Variants in STEAP1 observed in about 807,000 individuals in gnomAD.
STEAP1 encodes the protein STEAP family member 1.
Under a neutral mutation model 34.4 loss-of-function variants are expected in STEAP1, and 30 were observed. The ratio of observed to expected loss-of-function variants is 0.87; its 90% confidence interval spans 0.65 to 1.18. The LOEUF (loss-of-function observed/expected upper bound fraction) is 1.18, where lower values mean the gene tolerates loss of function less well. Among genes scored for constraint, STEAP1 ranks in the 50% most tolerant of loss-of-function variants. The pLI is 0.00. For missense variants in STEAP1, 318 were observed against 391.1 expected (o/e 0.81, Z 1.58); for synonymous variants, 116 against 135.3 (o/e 0.86, Z 0.99).
rs758441219 is a variant in STEAP1 at position 90,161,098 on chromosome 7, G to A, written c.378G>A (p.Leu126=). 2.3e-5 allele frequency: 37 copies of A among 1,613,796 alleles called. No homozygotes were observed. The South Asian group carries it at 4.0e-4, about 17-fold the overall frequency. ...TGCCAATGGTTTCCATCACTCTCTT[G>A]GCATTGGTTTACCTGCCAGGTGTGA... The part of the protein sequence containing the change: ...KVLPMVSITL[L]ALVYLPGVIA... The change falls in exon 3 of 5, where the codon TTG becomes TTA. Residue 126 remains leucine, a synonymous_variant. Transcript: ENST00000297205.
chr7:90,155,260 A>G (rs74912854), intron 1 of STEAP1, among the ~76,000 whole-genome samples: 23 of 24,760 alleles, frequency 9.3e-4, no homozygotes, highest in Admixed American at 2.7e-3. Context: ...CAGCCCAGTG[A>G]AAAAAAAAAA....
Position 90,161,009 on chromosome 7 carries a change from C to T in STEAP1, c.289C>T (p.Pro97Ser), listed in dbSNP as rs754964368. The T allele has an allele frequency of 6.2e-7, 1 of 1,613,818 alleles. No individual in the cohort carries two copies. Among genetic ancestry groups the T allele is most frequent in the African/African-American group, 1.3e-5 (1 of 74,896 alleles). The change falls in exon 3 of 5, where the codon CCT (proline) becomes TCT (serine). Residue 97 changes from proline (P) to serine (S), a missense_variant. Pro to Ser is a moderately conservative substitution (Grantham distance 74). Transcript: ENST00000297205. ...LYTLLREVIH[P>S]LATSHQQYFY... ...CACTCTTCTGAGGGAAGTAATTCAC[C>T]CTTTAGCAACTTCCCATCAACAATA...
At chr7:90,163,300 C>T (rs1362928592) in intron 4 of STEAP1, among the ~76,000 whole-genome samples, 2 of 152,108 alleles carry the variant, frequency 1.3e-5, no homozygotes, top group Non-Finnish European at 2.9e-5. Flanking sequence ...TTCTTTGGTC[C>T]TCATTAAATA....
At chr7:90,155,280 C>T (rs948277806) in intron 1 of STEAP1, among the ~76,000 whole-genome samples, 8 of 151,822 alleles carry the variant, frequency 5.3e-5, no homozygotes, top group African/African-American at 1.9e-4. Flanking sequence ...ACAAAAAACT[C>T]GACTTCACTT....
chr7:90,162,007 G>T lies in STEAP1; in HGVS notation c.691G>T (p.Ala231Ser), dbSNP rs1175312589. The T allele has an allele frequency of 2.5e-6, 4 of 1,613,858 alleles. No individual in the cohort carries two copies. Among genetic ancestry groups the T allele is most frequent in the Admixed American group, 3.3e-5 (2 of 60,004 alleles). ...SLGIVGLAIL[A>S]LLAVTSIPSV... ...GGGAATTGTGGGATTGGCAATACTG[G>T]CTCTGTTGGCTGTGACATCTATTCC... The change falls in exon 4 of 5, where the codon GCT (alanine) becomes TCT (serine). Residue 231 changes from alanine (A) to serine (S), a missense_variant. Coordinates refer to ENST00000297205, the MANE Select transcript of STEAP1 (RefSeq NM_012449.3).
chr7:90,155,259 GAAA>G (rs35647503), intron 1 of STEAP1, among the ~76,000 whole-genome samples: 1 of 147,680 alleles, frequency 6.8e-6, no homozygotes, highest in Admixed American at 6.7e-5. Flanking sequence ...ACAGCCCAGT[GAAA>G]AAAAAAAACA....
chr7:90,162,258 G>A (rs1794195773), intron 4 of STEAP1, 180 bp downstream of exon 4: 3 of 862,002 alleles, frequency 3.5e-6, no homozygotes, highest in South Asian at 6.8e-5. Context: ...ATTAGGACAA[G>A]TGTTTCCTAG....
chr7:90,157,038 C>G (rs1206664930), intron 1 of STEAP1, among the ~76,000 whole-genome samples: 5 of 152,228 alleles, frequency 3.3e-5, no homozygotes, highest in Admixed American at 2.0e-4. Context: ...TCCTCCAGAG[C>G]AGGCATGAGT....
intron 4 of STEAP1, chr7:90,162,392 G>A (rs1261875400): frequency 6.3e-5 from 15 of 238,762 alleles, no homozygotes; most frequent in East Asian, 1.3e-4. Context: ...ACAGTGGCAC[G>A]ATCTCGGCTC....
chr7:90,154,953 G>A (rs1394980354), intron 1 of STEAP1, among the ~76,000 whole-genome samples: 7 of 152,294 alleles, frequency 4.6e-5, no homozygotes, highest in South Asian at 2.1e-4. Context: ...GCTACTTCTC[G>A]TCTTCGGGTT....
intron 4 of STEAP1, among the ~76,000 whole-genome samples, chr7:90,163,801 T>G (rs963819565): frequency 6.6e-6 from 1 of 152,204 alleles, no homozygotes; most frequent in Non-Finnish European, 1.5e-5. Flanking sequence ...CAATGCAGGC[T>G]GAAATGTTTC....
At chr7:90,161,791 T>C in intron 3 of STEAP1, 123 bp from the exon 4 acceptor site, 1 of 1,400,024 alleles carries the variant, frequency 7.1e-7, no homozygotes, top group Non-Finnish European at 9.3e-7. Context: ...GAAAAAGTCA[T>C]AAATTTGTGG....
chr7:90,161,179 G>T lies in STEAP1; in HGVS notation c.459G>T (p.Trp153Cys), dbSNP rs747552710. 1.2e-6 allele frequency: 2 copies of T among 1,613,876 alleles called. No individual in the cohort carries two copies. The highest frequency in any genetic ancestry group is 2.7e-5 in the African/African-American group (2 of 74,916). Reference sequence around the variant, plus strand: ...CCAAGTATAAGAAGTTTCCACATTGGTTGGATAAGTGGATGTTAACAAGAA... The same window carrying T: ...CCAAGTATAAGAAGTTTCCACATTGTTTGGATAAGTGGATGTTAACAAGAA... ...NGTKYKKFPHWLDKWMLTRKQ... is the reference protein window; with the variant it reads ...NGTKYKKFPHCLDKWMLTRKQ... The change falls in exon 3 of 5, where the codon TGG becomes TGT. Residue 153 changes from tryptophan to cysteine, a missense_variant. Coordinates refer to ENST00000297205, the MANE Select transcript of STEAP1 (RefSeq NM_012449.3).
intron 4 of STEAP1, 41 bp from the exon 5 acceptor site, chr7:90,164,436 T>C: frequency 6.4e-7 from 1 of 1,565,312 alleles, no homozygotes; most frequent in Non-Finnish European, 8.6e-7. Context: ...GGATAAACTC[T>C]TATTGAACCA....
At chr7:90,155,813 C>G (rs1403790944) in intron 1 of STEAP1, among the ~76,000 whole-genome samples, 2 of 152,126 alleles carry the variant, frequency 1.3e-5, no homozygotes, top group African/African-American at 4.8e-5. Context: ...CTCTCCAGGG[C>G]CACTCTGGTT....
In STEAP1 at chr7:90,161,081, G is replaced by A. The variant is rs762159939; in HGVS notation, c.361G>A (p.Val121Ile). 5.0e-6 allele frequency: 8 copies of A among 1,613,900 alleles called. No individual in the cohort carries two copies. Among genetic ancestry groups the A allele is most frequent in the South Asian group, 3.3e-5 (3 of 91,066 alleles). ...GGTCATCAACAAAGTCTTGCCAATG[G>A]TTTCCATCACTCTCTTGGCATTGGT... ...ILVINKVLPM[V>I]SITLLALVYL... Residue 121 changes from valine (V) to isoleucine (I), a missense_variant, in exon 3 of 5, where the codon GTT (valine) becomes ATT (isoleucine). Transcript: ENST00000297205.
intron 1 of STEAP1, among the ~76,000 whole-genome samples, chr7:90,158,586 G>A (rs1794145018): frequency 6.6e-6 from 1 of 152,084 alleles, no homozygotes; most frequent in South Asian, 2.1e-4. Flanking sequence ...GTCTTCAAGG[G>A]CAGTAACAGG....
At chr7:90,162,238 A>G in intron 4 of STEAP1, 160 bp downstream of exon 4, 2 of 1,074,444 alleles carry the variant, frequency 1.9e-6, no homozygotes, top group Non-Finnish European at 2.5e-6. Flanking sequence ...TGTTTTCCCT[A>G]TTGCTTCTAA....
chr7:90,160,965 C>T lies in STEAP1; in HGVS notation c.245C>T (p.Ala82Val), dbSNP rs762473739. 3.1e-6 allele frequency: 5 copies of T among 1,613,860 alleles called. No individual in the cohort carries two copies. In the African/African-American group the frequency reaches 6.7e-5, roughly 22 times the overall value. ...CCAATTAAAATAGCTGCTATTATAG[C>T]ATCTCTGACTTTTCTTTACACTCTT... ...HLPIKIAAIIASLTFLYTLLR... is the reference protein window; with the variant it reads ...HLPIKIAAIIVSLTFLYTLLR... The change falls in exon 3 of 5, where the codon GCA becomes GTA. Residue 82 changes from alanine (A) to valine (V), a missense_variant. Ala to Val is a moderately conservative substitution (Grantham distance 64). Transcript: ENST00000297205.
Sources: gnomAD v4.1 joint callset for allele counts (sites outside exome capture counted in the v4.1 genomes callset) on GRCh38, gnomAD v4.1.1 for gene constraint, MANE v1.5 for transcripts, NCBI Gene and HGNC (gene_info 2026-07-23, HGNC 2026-07-21) for gene names.